The following NDFIP1 variants were observed in gnomAD, a reference collection of about 807,000 sequenced individuals.
The protein encoded by NDFIP1 is NEDD4 family-interacting protein 1.
A neutral mutation model predicts 28.8 loss-of-function variants in NDFIP1; 7 were observed. The ratio of observed to expected loss-of-function variants is 0.24; its 90% CI spans 0.14 to 0.46. The LOEUF (loss-of-function observed/expected upper bound fraction) is 0.46. NDFIP1 is among the 20% of genes least tolerant of loss of function. The pLI is 0.99. For synonymous variants in NDFIP1, 92 were observed against 101.0 expected, an observed-to-expected ratio of 0.91 and a Z score of 0.53; for missense variants, 194 against 269.1, an observed-to-expected ratio of 0.72 and a Z score of 1.95.
chr5:142,137,070 CAAAAAA>C (rs56227585), intron 4 of NDFIP1, among the ~76,000 whole-genome samples: 1 of 95,026 alleles, frequency 1.1e-5, no homozygotes, highest in Non-Finnish European at 2.1e-5. Flanking sequence ...GACTCAGTCT[CAAAAAA>C]AAAAAAAAAA....
chr5:142,129,393 CAT>C (rs915941531), intron 1 of NDFIP1, among the ~76,000 whole-genome samples: 14 of 152,148 alleles, frequency 9.2e-5, no homozygotes, highest in African/African-American at 3.1e-4. Context: ...ATTTTGGCCA[CAT>C]GTCTTTGTTT....
chr5:142,110,590 A>G (rs921275920), intron 1 of NDFIP1, among the ~76,000 whole-genome samples: 2 of 152,186 alleles, frequency 1.3e-5, no homozygotes, highest in African/African-American at 4.8e-5. Flanking sequence ...TTTTTTAATT[A>G]TGCAGAATTG....
chr5:142,148,704 T>G (rs1324916206), intron 7 of NDFIP1, among the ~76,000 whole-genome samples: 1 of 119,110 alleles, frequency 8.4e-6, no homozygotes, highest in African/African-American at 3.3e-5. Context: ...TGAGCCAAGA[T>G]CACACCACTG....
intron 1 of NDFIP1, among the ~76,000 whole-genome samples, chr5:142,118,690 G>A (rs1400036793): frequency 6.6e-6 from 1 of 152,160 alleles, no homozygotes; most frequent in Non-Finnish European, 1.5e-5. Context: ...CTCGCTGAGG[G>A]CCAAGTATTG....
At position 142,152,800 on chromosome 5, in the gene NDFIP1, A is replaced by C. The variant is rs1354144468; in HGVS notation, c.*1072A>C. On this transcript the variant is annotated 3_prime_UTR_variant, in exon 8 of 8. Transcript: ENST00000253814. The stretch of plus-strand genomic sequence containing the variant: ...ACCTTTTACTGTAGATTAGTGCTTA[A>C]TTTCTTGGCTTGCATTTGTTGATTG... 1 of 165,344 alleles carries C rather than the reference A, an allele frequency of 6.0e-6. No individual in the cohort carries two copies. The highest frequency in any genetic ancestry group is 1.3e-5 in the Non-Finnish European group (1 of 75,884). The allele number at this position is 165,344 out of a possible 1,614,324, so 10.2% of individuals were successfully genotyped here.
chr5:142,121,645 T>C (rs985332056), intron 1 of NDFIP1, among the ~76,000 whole-genome samples: 1 of 152,182 alleles, frequency 6.6e-6, no homozygotes, highest in African/African-American at 2.4e-5. Flanking sequence ...TTGTGCTGAG[T>C]ACTGATGGGG....
intron 3 of NDFIP1, among the ~76,000 whole-genome samples, chr5:142,133,015 T>TG (rs754796727): frequency 2.0e-5 from 3 of 152,362 alleles, no homozygotes; most frequent in Admixed American, 1.3e-4. Context: ...TCCCCAGAAA[T>TG]GCGGGGACCA....
At chr5:142,131,652 G>T (rs968534284) in intron 1 of NDFIP1, among the ~76,000 whole-genome samples, 156 bp from the exon 2 acceptor site, 2 of 152,124 alleles carry the variant, frequency 1.3e-5, no homozygotes, top group Non-Finnish European at 2.9e-5. Context: ...ATAACTTCCT[G>T]GGAGTAGAAT....
At chr5:142,120,521 T>G (rs375039852) in intron 1 of NDFIP1, among the ~76,000 whole-genome samples, 12 of 152,372 alleles carry the variant, frequency 7.9e-5, no homozygotes, top group African/African-American at 2.6e-4. Flanking sequence ...TCCTGTTGCT[T>G]GTAAGTTTTT....
Position 142,147,694 on chromosome 5 carries a change from A to C in NDFIP1, c.*2+3018A>C, listed in dbSNP as rs865988762. Among the ~76,000 whole-genome samples the C allele has an allele frequency of 4.6e-5, 7 of 152,320 alleles. No individual in the cohort carries two copies. In the Middle Eastern group the frequency reaches 0.01, roughly 222 times the overall value. On this transcript the variant is annotated intron_variant, in intron 7 of 7. Coordinates refer to ENST00000253814, the MANE Select transcript of NDFIP1 (RefSeq NM_030571.4). ...CAGGCAGTCAAATTACTAAAGGATAAATTTGATCTTATTTCTAACTGTCAT... is the reference window on the plus strand; with the variant it reads ...CAGGCAGTCAAATTACTAAAGGATACATTTGATCTTATTTCTAACTGTCAT...
intron 3 of NDFIP1, among the ~76,000 whole-genome samples, chr5:142,133,315 C>A (rs1260671502): frequency 6.6e-6 from 1 of 152,190 alleles, no homozygotes; most frequent in African/African-American, 2.4e-5. Flanking sequence ...AGGGCAAGAC[C>A]ATCATAATGT....
chr5:142,137,070 C>CAAA (rs56227585), intron 4 of NDFIP1, among the ~76,000 whole-genome samples: 6 of 95,012 alleles, frequency 6.3e-5, no homozygotes, highest in African/African-American at 8.1e-5. Flanking sequence ...GACTCAGTCT[C>CAAA]AAAAAAAAAA....
chr5:142,119,297 G>A lies in NDFIP1; in HGVS notation c.63+10260G>A, dbSNP rs534171255. On this transcript the variant is annotated intron_variant, in intron 1 of 7. Transcript: ENST00000253814. ...CTTCAGTTCTGATATACATGTGTAA[G>A]TTGTATCAGAATTATTAACCCACAC... 2.0e-5 allele frequency among the ~76,000 whole-genome samples: 3 copies of A among 152,282 alleles called. No homozygotes were observed. In the South Asian group the frequency reaches 6.2e-4, roughly 32 times the overall value.
chr5:142,119,141 A>T (rs984400844), intron 1 of NDFIP1, among the ~76,000 whole-genome samples: 2 of 152,216 alleles, frequency 1.3e-5, no homozygotes, highest in Non-Finnish European at 2.9e-5. Flanking sequence ...TAAGCTAAAC[A>T]TAAGTTCATA....
intron 2 of NDFIP1, 140 bp downstream of exon 2, chr5:142,132,035 G>A: frequency 9.5e-7 from 1 of 1,055,206 alleles, no homozygotes; most frequent in African/African-American, 1.6e-5. Context: ...ATTGAGAAGT[G>A]GATACATTTA....
intron 5 of NDFIP1, among the ~76,000 whole-genome samples, chr5:142,139,900 TA>T (rs1757310541): frequency 6.6e-6 from 1 of 152,144 alleles, no homozygotes. Flanking sequence ...ATAGGCAAAG[TA>T]AAACGATCAT....
At chr5:142,141,948 A>G (rs1052000458) in intron 6 of NDFIP1, among the ~76,000 whole-genome samples, 6 of 152,150 alleles carry the variant, frequency 3.9e-5, no homozygotes, top group Admixed American at 3.9e-4. Context: ...AGCCTGGGCA[A>G]CATAGCAAGA....
rs1756983033 is a variant in NDFIP1, at chr5:142,109,037, G to A, written c.63G>A (p.Gln21=). The A allele has an allele frequency of 2.8e-6, 4 of 1,423,026 alleles. No individual in the cohort carries two copies. Among genetic ancestry groups the A allele is most frequent in the South Asian group, 1.4e-5 (1 of 71,200 alleles). 88.1% of individuals were successfully genotyped at this position (1,423,026 alleles called of 1,614,324 possible). Residue 21 remains glutamine, a splice_region_variant and synonymous_variant, in exon 1 of 8, where the codon CAG becomes CAA. Transcript: ENST00000253814. The stretch of plus-strand genomic sequence containing the variant: ...CGGCCTGCGGCAGCCGGTACCAGCA[G>A]GTAAGCGGCGCCCGACTCCAGCCCC... ...VEPACGSRYQ[Q]LQNEEESGEP...
chr5:142,135,937 G>T, intron 4 of NDFIP1, 120 bp downstream of exon 4: 1 of 621,960 alleles, frequency 1.6e-6, no homozygotes, highest in Non-Finnish European at 2.7e-6. Flanking sequence ...ATGTTTATTT[G>T]GTGCCTTTTA....
Sources: gnomAD v4.1 joint callset for allele counts (sites outside exome capture counted in the v4.1 genomes callset) on GRCh38, gnomAD v4.1.1 for gene constraint, MANE v1.5 for transcripts, NCBI Gene and HGNC (gene_info 2026-07-23, HGNC 2026-07-21) for gene names.